The following LMBR1 variants were observed in gnomAD, a reference collection of about 807,000 sequenced individuals.
LMBR1 encodes limb development membrane protein 1.
A neutral mutation model predicts 73.9 loss-of-function variants in LMBR1; 52 were observed. The observed-to-expected ratio is 0.70, with a 90% CI of 0.56 to 0.89. The LOEUF (loss-of-function observed/expected upper bound fraction) is 0.89, where lower values mean the gene tolerates loss of function less well. Ranked by LOEUF, LMBR1 falls within the 40% of genes least tolerant of loss-of-function variation. The probability of loss-of-function intolerance (pLI) is 0.00; values close to 1 mark genes in which losing one functional copy is unlikely to be tolerated. For missense variants in LMBR1, 539 were observed against 579.8 expected (o/e 0.93, Z 0.72); for synonymous variants, 215 against 209.4 (o/e 1.03, Z -0.23).
rs909558894 is a variant in LMBR1 at position 156,878,203 on chromosome 7, A to G, written c.66+14725T>C. On this transcript the variant is annotated intron_variant, in intron 1 of 16. Coordinates refer to ENST00000353442, the MANE Select transcript of LMBR1 (RefSeq NM_022458.4). ...ACATAGTACTGGAAGTCCTAGCCAC[A>G]GCAATCAGACAAGAGAAAGAAATAA... Among the ~76,000 whole-genome samples the G allele has an allele frequency of 1.5e-4, 23 of 152,192 alleles. 1 individual carries two copies. The highest frequency in any genetic ancestry group is 1.2e-3 in the Admixed American group (18 of 15,276).
chr7:156,799,954 C>T (rs1448124138), intron 4 of LMBR1, among the ~76,000 whole-genome samples: 3 of 152,206 alleles, frequency 2.0e-5, no homozygotes, highest in Non-Finnish European at 4.4e-5. Context: ...TAACTCTTCA[C>T]ATCTATGAAG....
At chr7:156,763,465 G>T (rs1823503102) in intron 6 of LMBR1, among the ~76,000 whole-genome samples, 1 of 151,438 alleles carries the variant, frequency 6.6e-6, no homozygotes, top group Non-Finnish European at 1.5e-5. Context: ...AATCTGAAAA[G>T]CTGCTTACTT....
intron 1 of LMBR1, among the ~76,000 whole-genome samples, chr7:156,844,048 G>A (rs917428918): frequency 1.3e-5 from 2 of 152,178 alleles, no homozygotes; most frequent in African/African-American, 4.8e-5. Flanking sequence ...TTAGGGCCAG[G>A]CATGGTGGCT....
intron 15 of LMBR1, among the ~76,000 whole-genome samples, chr7:156,699,399 T>C (rs1809104706): frequency 6.6e-6 from 1 of 151,758 alleles, no homozygotes; most frequent in South Asian, 2.1e-4. Context: ...TATACAAAAA[T>C]TAATTCAAGA....
chr7:156,707,514 A>G (rs927939775), intron 15 of LMBR1, among the ~76,000 whole-genome samples: 6 of 152,188 alleles, frequency 3.9e-5, no homozygotes, highest in African/African-American at 1.2e-4. Context: ...CAAAAAGATA[A>G]TACACCATGA....
chr7:156,691,863 C>CG (rs199841620), intron 15 of LMBR1, among the ~76,000 whole-genome samples: 2 of 151,924 alleles, frequency 1.3e-5, no homozygotes, highest in Non-Finnish European at 2.9e-5. Context: ...TCCTCTAAAC[C>CG]ATTTTTTTGA....
intron 1 of LMBR1, among the ~76,000 whole-genome samples, chr7:156,875,956 G>A (rs1040660873): frequency 8.0e-5 from 12 of 150,518 alleles, no homozygotes; most frequent in African/African-American, 2.7e-4. Flanking sequence ...ACGATGAATG[G>A]AATAGTACCT....
chr7:156,684,798 AAC>A (rs556657610), intron 16 of LMBR1, among the ~76,000 whole-genome samples: 55 of 152,246 alleles, frequency 3.6e-4, no homozygotes, highest in African/African-American at 1.3e-3. Flanking sequence ...GTTCATGAAA[AAC>A]ACAAAAATTA....
chr7:156,795,739 G>C (rs1380663142), intron 5 of LMBR1, among the ~76,000 whole-genome samples: 1 of 152,072 alleles, frequency 6.6e-6, no homozygotes, highest in Non-Finnish European at 1.5e-5. Flanking sequence ...TTTTAGTACA[G>C]ACAGGGTCTC....
intron 15 of LMBR1, among the ~76,000 whole-genome samples, chr7:156,704,799 T>C (rs1585276316): frequency 7.1e-6 from 1 of 141,296 alleles, no homozygotes; most frequent in South Asian, 2.2e-4. Context: ...AAAATTAATA[T>C]AAGGAAGTAT....
At position 156,795,955 on chromosome 7, in the gene LMBR1, A is replaced by G. The variant is rs572781296; in HGVS notation, c.423+434T>C. On this transcript the variant is annotated intron_variant, in intron 5 of 16. Transcript: ENST00000353442. Reference sequence around the variant, plus strand: ...AATGTCAGGTTTGACTGCCAGAGTCATTCATTCTGATCCTGGTATATTTAC... The same window carrying G: ...AATGTCAGGTTTGACTGCCAGAGTCGTTCATTCTGATCCTGGTATATTTAC... 2.6e-5 allele frequency among the ~76,000 whole-genome samples: 4 copies of G among 152,320 alleles called. No individual in the cohort carries two copies. Among genetic ancestry groups the G allele is most frequent in the Non-Finnish European group, 5.9e-5 (4 of 68,028 alleles).
intron 1 of LMBR1, among the ~76,000 whole-genome samples, chr7:156,853,409 G>GA (rs201439538): frequency 1.3e-4 from 19 of 144,350 alleles, no homozygotes; most frequent in Admixed American, 4.8e-4. Flanking sequence ...AATGTTAAAA[G>GA]AAAAAAAAAA....
At chr7:156,742,976 A>C (rs934771633) in intron 9 of LMBR1, among the ~76,000 whole-genome samples, 1 of 152,236 alleles carries the variant, frequency 6.6e-6, no homozygotes, top group Non-Finnish European at 1.5e-5. Context: ...CATCATATCA[A>C]TGGAATGAAG....
chr7:156,673,658 A>G (rs901096970), downstream of LMBR1, among the ~76,000 whole-genome samples: 3 of 152,166 alleles, frequency 2.0e-5, no homozygotes, highest in African/African-American at 7.2e-5. Context: ...ACCCTTGTGG[A>G]CTGCCTGCTG....
chr7:156,847,722 C>T (rs1449145507), intron 1 of LMBR1, among the ~76,000 whole-genome samples: 1 of 152,166 alleles, frequency 6.6e-6, no homozygotes, highest in Non-Finnish European at 1.5e-5. Context: ...CCTGTGATGA[C>T]ACACCTATTA....
At chr7:156,785,153 T>C (rs1827846914) in intron 5 of LMBR1, among the ~76,000 whole-genome samples, 1 of 152,168 alleles carries the variant, frequency 6.6e-6, no homozygotes, top group Non-Finnish European at 1.5e-5. Context: ...GGCATACACC[T>C]GTAATCCCAG....
Position 156,685,855 on chromosome 7 carries a change from G to A in LMBR1, c.1388-1692C>T, listed in dbSNP as rs1002690975. 2.0e-5 allele frequency among the ~76,000 whole-genome samples: 3 copies of A among 152,302 alleles called. No homozygotes were observed. Among genetic ancestry groups the A allele is most frequent in the Non-Finnish European group, 4.4e-5 (3 of 68,016 alleles). ...ATTTTTCTCCCTAAAATTTCACATGGTAACTGACCTATTAGGCAGTTTTAC... is the reference window on the plus strand; with the variant it reads ...ATTTTTCTCCCTAAAATTTCACATGATAACTGACCTATTAGGCAGTTTTAC... On this transcript the variant is annotated intron_variant, in intron 16 of 16. Coordinates refer to ENST00000353442, the MANE Select transcript of LMBR1 (RefSeq NM_022458.4). This position sits in a 1 kb window ranked among gnomAD's most constrained non-coding sequence, Gnocchi z 4.1.
intron 16 of LMBR1, 47 bp downstream of exon 16, chr7:156,687,983 A>G: frequency 6.7e-7 from 1 of 1,486,242 alleles, no homozygotes; most frequent in Non-Finnish European, 9.0e-7. Context: ...AAATGTCAAA[A>G]TTATTTAGTA....
intron 5 of LMBR1, among the ~76,000 whole-genome samples, chr7:156,789,803 G>A (rs1393872712): frequency 2.0e-5 from 3 of 152,104 alleles, no homozygotes; most frequent in African/African-American, 7.2e-5. Context: ...TTCCAACCAA[G>A]GGTGAGTAGT....
Sources: allele counts gnomAD v4.1 joint callset (sites outside exome capture counted in the v4.1 genomes callset), GRCh38; gene constraint gnomAD v4.1.1; non-coding constraint Gnocchi (gnomAD v3.1); transcripts MANE v1.5; gene names NCBI Gene and HGNC (gene_info 2026-07-23, HGNC 2026-07-21).